Variants in DTNA observed in about 807,000 individuals in gnomAD.
The protein encoded by DTNA is dystrophin-related protein 3.
DTNA carries 43 observed loss-of-function variants against 100.7 expected under a neutral mutation model. The ratio of observed to expected loss-of-function variants is 0.43; its 90% CI spans 0.33 to 0.55. The LOEUF is 0.55. DTNA is among the 20% of genes least tolerant of loss of function. The pLI is 0.04. For missense variants in DTNA, 798 were observed against 953.9 expected, an observed-to-expected ratio of 0.84 and a Z score of 2.15; for synonymous variants, 349 against 347.9, an observed-to-expected ratio of 1.00 and a Z score of -0.04.
At chr18:34,816,706 G>T (rs2095605800) in intron 7 of DTNA, among the ~76,000 whole-genome samples, 1 of 152,092 alleles carries the variant, frequency 6.6e-6, no homozygotes, top group Non-Finnish European at 1.5e-5. Flanking sequence ...CTCCAGACTT[G>T]ACGAGGAAAT....
At chr18:34,761,737 G>C (rs1242855502) in intron 2 of DTNA, among the ~76,000 whole-genome samples, 1 of 152,088 alleles carries the variant, frequency 6.6e-6, no homozygotes, top group African/African-American at 2.4e-5. Flanking sequence ...ATTATGAAAA[G>C]TTTCAAATAT....
chr18:34,806,228 T>C lies in DTNA; in HGVS notation c.372T>C (p.His124=). Residue 124 remains histidine (H), a synonymous_variant, in exon 5 of 23, where the codon CAT becomes CAC. Coordinates refer to ENST00000444659, the MANE Select transcript of DTNA (RefSeq NM_001386795.1). ...FLLAAFDPEG[H]GKISVFAVKM... ...TATTACCATTAAACAGGGAAGGCCATGGTAAAATTTCAGTATTTGCTGTCA... is the reference window on the plus strand; with the variant it reads ...TATTACCATTAAACAGGGAAGGCCACGGTAAAATTTCAGTATTTGCTGTCA... The C allele has an allele frequency of 4.3e-6, 7 of 1,613,870 alleles. No individual in the cohort carries two copies. Among genetic ancestry groups the C allele is most frequent in the Non-Finnish European group, 5.9e-6 (7 of 1,179,846 alleles).
intron 1 of DTNA, among the ~76,000 whole-genome samples, chr18:34,653,579 TTGGGAGGC>T (rs2073934987): frequency 6.6e-6 from 1 of 152,012 alleles, no homozygotes; most frequent in African/African-American, 2.4e-5. Flanking sequence ...TCTCAGCAGT[TTGGGAGGC>T]TGAGGTGGGC....
intron 1 of DTNA, among the ~76,000 whole-genome samples, chr18:34,738,720 G>C (rs891325467): frequency 6.6e-6 from 1 of 152,196 alleles, no homozygotes; most frequent in Non-Finnish European, 1.5e-5. Context: ...TGACGGTGAG[G>C]AATGCCAGTC....
intron 1 of DTNA, among the ~76,000 whole-genome samples, chr18:34,609,464 T>A (rs1434820589): frequency 6.6e-5 from 10 of 152,096 alleles, no homozygotes; most frequent in Admixed American, 6.5e-4. Flanking sequence ...CAGGATGGTC[T>A]CGATCTCCTC....
At chr18:34,512,870 T>C (rs1288820773) in intron 1 of DTNA, among the ~76,000 whole-genome samples, 1 of 152,074 alleles carries the variant, frequency 6.6e-6, no homozygotes, top group Non-Finnish European at 1.5e-5. Flanking sequence ...ATAAAATTTT[T>C]CCACTGTGAT....
intron 2 of DTNA, among the ~76,000 whole-genome samples, chr18:34,757,758 C>T (rs532103136): frequency 9.2e-5 from 14 of 152,154 alleles, no homozygotes; most frequent in South Asian, 4.1e-4. Flanking sequence ...ATTGTGCATT[C>T]GGTTCCCAAA....
chr18:34,708,950 A>G (rs962878086), upstream of DTNA, among the ~76,000 whole-genome samples: 3 of 152,198 alleles, frequency 2.0e-5, no homozygotes, highest in Non-Finnish European at 4.4e-5. Flanking sequence ...TCACAAAAGT[A>G]GTATGGGCTA....
Position 34,559,131 on chromosome 18 carries a change from G to A in DTNA, c.-2+65617G>A, listed in dbSNP as rs140747406. Among the ~76,000 whole-genome samples the A allele has an allele frequency of 5.7e-3, 866 of 152,272 alleles. 5 individuals are homozygous for A. The highest frequency in any genetic ancestry group is 0.03 in the South Asian group (146 of 4,822). On this transcript the variant is annotated intron_variant, in intron 1 of 19. Transcript: ENST00000283365. ...TACATACATGATACCCATAATGCCT[G>A]ATTTCCCTACTTGACTCTAGGAAGG...
intron 1 of DTNA, among the ~76,000 whole-genome samples, chr18:34,544,685 G>A (rs1054907255): frequency 2.6e-5 from 4 of 151,848 alleles, no homozygotes; most frequent in African/African-American, 9.7e-5. Flanking sequence ...TTAGAATCTA[G>A]TGCCTAAAGT....
intron 1 of DTNA, among the ~76,000 whole-genome samples, chr18:34,502,380 G>A (rs1009237711): frequency 6.6e-6 from 1 of 151,754 alleles, no homozygotes; most frequent in Non-Finnish European, 1.5e-5. Context: ...TCTTATAATT[G>A]TTATTTTCTC....
At chr18:34,860,431 T>C (rs2096609805) in intron 16 of DTNA, among the ~76,000 whole-genome samples, 1 of 152,168 alleles carries the variant, frequency 6.6e-6, no homozygotes. Flanking sequence ...CTCTGAGTCA[T>C]ACTTTTTATA....
intron 1 of DTNA, among the ~76,000 whole-genome samples, chr18:34,719,343 CAAAAAATA>C (rs60541666): frequency 0.11 from 16,569 of 150,782 alleles, 1,257 homozygotes; most frequent in African/African-American, 0.21. Context: ...GACTTCATCT[CAAAAAATA>C]AAAAAATAAA....
At chr18:34,884,178 A>G (rs2096900613) in intron 21 of DTNA, among the ~76,000 whole-genome samples, 1 of 152,240 alleles carries the variant, frequency 6.6e-6, no homozygotes, top group Admixed American at 6.5e-5. Flanking sequence ...AGCGTCTATT[A>G]GGCCTCCCTC....
At chr18:34,687,517 G>C (rs2079080205) in intron 1 of DTNA, among the ~76,000 whole-genome samples, 1 of 152,118 alleles carries the variant, frequency 6.6e-6, no homozygotes, top group African/African-American at 2.4e-5. Flanking sequence ...TGTTTGTTAT[G>C]ATTTCCATTC....
intron 2 of DTNA, among the ~76,000 whole-genome samples, chr18:34,758,029 AT>A (rs1182856738): frequency 1.4e-4 from 22 of 152,370 alleles, no homozygotes; most frequent in African/African-American, 5.3e-4. Flanking sequence ...GGATAAAACA[AT>A]TGGCTGGTTT....
At chr18:34,742,557 A>G (rs2090850588) in intron 1 of DTNA, among the ~76,000 whole-genome samples, 1 of 139,874 alleles carries the variant, frequency 7.1e-6, no homozygotes, top group African/African-American at 2.8e-5. Context: ...AATCACATCC[A>G]CAAAGTCCCT....
chr18:34,665,741 A>G (rs2075830024), intron 1 of DTNA, among the ~76,000 whole-genome samples: 1 of 152,190 alleles, frequency 6.6e-6, no homozygotes, highest in African/African-American at 2.4e-5. Context: ...TGTCCCTACA[A>G]AGAACATGAA....
At chr18:34,805,596 A>AC (rs1448341235) in intron 4 of DTNA, among the ~76,000 whole-genome samples, 4 of 152,168 alleles carry the variant, frequency 2.6e-5, no homozygotes, top group Non-Finnish European at 5.9e-5. Context: ...AAGTGCTAGG[A>AC]TTACAGACGT....
Sources: gnomAD v4.1 joint callset for allele counts (sites outside exome capture counted in the v4.1 genomes callset) on GRCh38, gnomAD v4.1.1 for gene constraint, MANE v1.5 for transcripts, NCBI Gene and HGNC (gene_info 2026-07-23, HGNC 2026-07-21) for gene names.